ALPK3: variants seen among roughly 807,000 people sequenced by gnomAD.
The protein encoded by ALPK3 is alpha kinase 3, also known as alpha-protein kinase 3.
In ALPK3, 102 loss-of-function variants were observed where a neutral mutation model predicts 140.0. The ratio of observed to expected loss-of-function variants is 0.73; its 90% CI spans 0.62 to 0.86. The LOEUF (loss-of-function observed/expected upper bound fraction) is 0.86, where lower values mean the gene tolerates loss of function less well. ALPK3 is among the 40% of genes least tolerant of loss of function. The pLI is 0.00. For synonymous variants in ALPK3, 938 were observed against 898.5 expected, an observed-to-expected ratio of 1.04 and a Z score of -0.79; for missense variants, 2,254 against 2,208.2, an observed-to-expected ratio of 1.02 and a Z score of -0.42.
Position 84,856,674 on chromosome 15 carries a change from C to T in ALPK3, c.1936C>T (p.Gln646Ter), listed in dbSNP as rs1284611172. ...DRKTQVDAGT[Q>*]ESKRPQSDRS... ...GAAGACGCAGGTGGATGCTGGGACA[C>T]AAGAAAGCAAGAGGCCACAGTCAGA... The change falls in exon 6 of 14, where the codon CAA becomes TAA. Residue 646 changes from glutamine to a stop codon, truncating the protein, a stop_gained. Transcript: ENST00000258888. LOFTEE classifies it high-confidence loss of function. 2 of 1,613,862 alleles carry T rather than the reference C, an allele frequency of 1.2e-6. No homozygotes were observed. Among genetic ancestry groups the T allele is most frequent in the Non-Finnish European group, 1.7e-6 (2 of 1,180,002 alleles).
chr15:84,839,996 C>T lies in ALPK3; in HGVS notation c.717C>T (p.Thr239=). The change falls in exon 5 of 14, where the codon ACC becomes ACT. Residue 239 remains threonine (T), a synonymous_variant. Transcript: ENST00000258888. ...GAQAPGPSVP[T]REPEGGTLAA... ...AAGCGCCGGGCCCCTCGGTCCCTAC[C>T]AGGGAGCCTGAGGGTGGGACCCTGG... 2.5e-6 allele frequency: 4 copies of T among 1,613,490 alleles called. No homozygotes were observed. Among genetic ancestry groups the T allele is most frequent in the Non-Finnish European group, 2.5e-6 (3 of 1,179,736 alleles).
intron 5 of ALPK3, among the ~76,000 whole-genome samples, chr15:84,845,953 G>A (rs140427851): frequency 0.016 from 2,504 of 152,246 alleles, 65 homozygotes; most frequent in African/African-American, 0.055. Context: ...CCACCTACTC[G>A]GGAGGCTGAG....
At chr15:84,862,580 CACA>C in intron 9 of ALPK3, 52 bp from the exon 10 acceptor site, 1 of 1,541,628 alleles carries the variant, frequency 6.5e-7, no homozygotes, top group Non-Finnish European at 8.8e-7. Context: ...CTGTGAGCCC[CACA>C]TTGGTGAGAC....
chr15:84,829,812 C>T (rs1963526268), intron 3 of ALPK3, among the ~76,000 whole-genome samples: 1 of 152,180 alleles, frequency 6.6e-6, no homozygotes, highest in African/African-American at 2.4e-5. Flanking sequence ...TGGGAATTCC[C>T]TACTGGAGAT....
Position 84,868,731 on chromosome 15 carries a change from C to G in ALPK3, c.*275C>G. On this transcript the variant is annotated 3_prime_UTR_variant, in exon 14 of 14. Coordinates refer to ENST00000258888, the MANE Select transcript of ALPK3 (RefSeq NM_020778.5). ...CTCCAAGTGCCTGGCAACCTAGGCC[C>G]TCCTTGAAGTTTACACTTTGCCACT... The G allele has an allele frequency of 2.0e-6, 1 of 496,456 alleles. No homozygotes were observed. Among genetic ancestry groups the G allele is most frequent in the Non-Finnish European group, 3.6e-6 (1 of 275,586 alleles). The allele number at this position is 496,456 out of a possible 1,614,324, so 30.8% of individuals were successfully genotyped here. A position where few individuals can be genotyped will look rare whatever the true frequency, so the allele number is the denominator to read the frequency against.
At chr15:84,825,418 G>A (rs1347360552) in intron 2 of ALPK3, among the ~76,000 whole-genome samples, 3 of 152,036 alleles carry the variant, frequency 2.0e-5, no homozygotes, top group Admixed American at 1.3e-4. Context: ...CTCGTGATCC[G>A]CCAGCCTCAG....
At chr15:84,837,638 A>G (rs1366718633) in intron 3 of ALPK3, among the ~76,000 whole-genome samples, 4 of 152,238 alleles carry the variant, frequency 2.6e-5, no homozygotes, top group African/African-American at 9.6e-5. Flanking sequence ...AACGCAGATC[A>G]GTCAGCTTAA....
At chr15:84,850,510 A>T (rs953969339) in intron 5 of ALPK3, among the ~76,000 whole-genome samples, 1 of 151,950 alleles carries the variant, frequency 6.6e-6, no homozygotes, top group Non-Finnish European at 1.5e-5. Flanking sequence ...CAGCCTCCAG[A>T]GTAGCTAGGA....
rs1964025606 is a variant in ALPK3 at position 84,868,322 on chromosome 15, C to T, written c.4984C>T (p.Pro1662Ser). The change falls in exon 14 of 14, where the codon CCT becomes TCT. Residue 1662 changes from proline (P) to serine (S), a missense_variant. Physicochemically the swap from Pro to Ser is moderately conservative, Grantham distance 74. Coordinates refer to ENST00000258888, the MANE Select transcript of ALPK3 (RefSeq NM_020778.5). ...LSPQPQKKGL[P>S]SPQGTRKSAP... ...TCCTCAGCCCCAGAAGAAAGGCCTC[C>T]CTAGTCCTCAGGGCACCCGGAAGAG... 4 of 1,614,114 alleles carry T rather than the reference C, an allele frequency of 2.5e-6. No individual in the cohort carries two copies. Among genetic ancestry groups the T allele is most frequent in the East Asian group, 2.2e-5 (1 of 44,870 alleles).
Position 84,857,173 on chromosome 15 carries a change from A to G in ALPK3, c.2435A>G (p.Gln812Arg), listed in dbSNP as rs754319528. 5.6e-6 allele frequency: 9 copies of G among 1,613,752 alleles called. No homozygotes were observed. The highest frequency in any genetic ancestry group is 2.2e-5 in the East Asian group (1 of 44,834). Residue 812 changes from glutamine to arginine, a missense_variant, in exon 6 of 14, where the codon CAG becomes CGG. By Grantham distance (43) the Gln-to-Arg change is conservative. Coordinates refer to ENST00000258888, the MANE Select transcript of ALPK3 (RefSeq NM_020778.5). ...CCGCCCCATGAGGGGAGTGTGGAGC[A>G]GGTGGGAGGAGAGAGATGCCGAGGG... is the stretch of plus-strand genomic sequence containing the variant. ...AQPPHEGSVE[Q>R]VGGERCRGPQ...
At chr15:84,833,038 G>A (rs1963559994) in intron 3 of ALPK3, among the ~76,000 whole-genome samples, 1 of 152,188 alleles carries the variant, frequency 6.6e-6, no homozygotes, top group Non-Finnish European at 1.5e-5. Flanking sequence ...CCAATCCAAA[G>A]GAGCAAGCTT....
chr15:84,857,485 TG>T lies in ALPK3; in HGVS notation c.2751del (p.Thr918ProfsTer40). On this transcript the variant is annotated frameshift_variant, in exon 6 of 14. Transcript: ENST00000258888. LOFTEE classifies it high-confidence loss of function. Reference protein sequence around the residue: ...MSSAPTLHLGLGTPTQSHPPE... With the variant: ...MSSAPTLHLGXGTPTQSHPPE... Reference sequence around the variant, plus strand: ...TCTGCCCCAACACTGCACCTGGGGCTGGGGACCCCCACTCAGAGTCACCCAC... The same window carrying T: ...TCTGCCCCAACACTGCACCTGGGGCTGGGACCCCCACTCAGAGTCACCCAC... The T allele has an allele frequency of 6.2e-7, 1 of 1,606,556 alleles. No homozygotes were observed. Among genetic ancestry groups the T allele is most frequent in the Non-Finnish European group, 8.5e-7 (1 of 1,175,406 alleles).
At chr15:84,847,730 A>G (rs1963748425) in intron 5 of ALPK3, among the ~76,000 whole-genome samples, 1 of 152,232 alleles carries the variant, frequency 6.6e-6, no homozygotes, top group Non-Finnish European at 1.5e-5. Flanking sequence ...ATAATGGAAA[A>G]AACAAGACAC....
chr15:84,866,491 C>T (rs11636954), intron 12 of ALPK3, among the ~76,000 whole-genome samples: 13,138 of 152,288 alleles, frequency 0.086, 808 homozygotes, highest in Middle Eastern at 0.13. Context: ...TGATGGTACT[C>T]AGCCCTGTTA....
intron 3 of ALPK3, among the ~76,000 whole-genome samples, chr15:84,834,390 C>A (rs886100261): frequency 6.6e-6 from 1 of 152,188 alleles, no homozygotes; most frequent in Non-Finnish European, 1.5e-5. Flanking sequence ...ATTTCATGAG[C>A]TGGGATTTCC....
chr15:84,848,070 A>AT (rs1390749649), intron 5 of ALPK3, among the ~76,000 whole-genome samples: 3 of 151,982 alleles, frequency 2.0e-5, no homozygotes, highest in Non-Finnish European at 2.9e-5. Flanking sequence ...TCAAAAAAAA[A>AT]AAAATAAAAA....
chr15:84,839,808 A>G lies in ALPK3; in HGVS notation c.529A>G (p.Ile177Val). The G allele has an allele frequency of 3.1e-6, 5 of 1,614,052 alleles. No homozygotes were observed. Among genetic ancestry groups the G allele is most frequent in the Non-Finnish European group, 4.2e-6 (5 of 1,180,012 alleles). ...GGTGGGCACCATGACTGAGTACAAG[A>G]TCCACCAGCGCTGGTTCGCCAAGTT... ...LEVGTMTEYK[I>V]HQRWFAKLKR... The change falls in exon 5 of 14, where the codon ATC becomes GTC. Residue 177 changes from isoleucine (I) to valine (V), a missense_variant. Around this residue, in one of 3 missense-constraint regions of ALPK3, gnomAD observed 2,088 missense variants for 2,022.9 expected, o/e 1.03. Coordinates refer to ENST00000258888, the MANE Select transcript of ALPK3 (RefSeq NM_020778.5).
chr15:84,873,376 GCCCT>G lies in ALPK3; in HGVS notation c.*4923_*4926del, dbSNP rs1330280437. ...TTTGGTCCAGATTTGTATTAGCCAAGCCCTCCTAAAATAGTAATAACAGTATCTG... is the reference window on the plus strand; with the variant it reads ...TTTGGTCCAGATTTGTATTAGCCAAGCCTAAAATAGTAATAACAGTATCTG... On this transcript the variant is annotated 3_prime_UTR_variant, in exon 14 of 14. Transcript: ENST00000258888. 1 of 152,144 alleles carries G rather than the reference GCCCT, an allele frequency of 6.6e-6. No homozygotes were observed. Among genetic ancestry groups the G allele is most frequent in the Non-Finnish European group, 1.5e-5 (1 of 68,020 alleles). The allele number at this position is 152,144 out of a possible 1,614,324, so 9.4% of individuals were successfully genotyped here. A position where few individuals can be genotyped will look rare whatever the true frequency, so the allele number is the denominator to read the frequency against.
In ALPK3 at chr15:84,846,350, C is replaced by A. The variant is rs556960231; in HGVS notation, c.1653+5418C>A. On this transcript the variant is annotated intron_variant, in intron 5 of 13. Transcript: ENST00000258888. The stretch of plus-strand genomic sequence containing the variant: ...GCATGGAAAGACAATCAAAGAGTGC[C>A]AATGCCACAGTGACACAGATGTTAG... Among the ~76,000 whole-genome samples the A allele has an allele frequency of 4.6e-5, 7 of 152,300 alleles. 1 individual carries two copies. In the South Asian group the frequency reaches 1.4e-3, roughly 32 times the overall value.
Sources: gnomAD v4.1 joint callset for allele counts (sites outside exome capture counted in the v4.1 genomes callset) on GRCh38, gnomAD v4.1.1 for gene constraint, gnomAD v4.1.1 regional missense constraint, MANE v1.5 for transcripts, NCBI Gene and HGNC (gene_info 2026-07-23, HGNC 2026-07-21) for gene names.